AADAT: variants seen among roughly 807,000 people sequenced by gnomAD.
AADAT encodes kynurenine/alpha-aminoadipate aminotransferase, mitochondrial.
AADAT carries 25 observed loss-of-function variants against 56.2 expected under a neutral mutation model. The ratio of observed to expected loss-of-function variants is 0.44; its 90% CI spans 0.32 to 0.62. The LOEUF (loss-of-function observed/expected upper bound fraction) is 0.62, where lower values mean the gene tolerates loss of function less well. Among genes scored for constraint, AADAT ranks in the 20% least tolerant of loss-of-function variants. The pLI is 0.04. For synonymous variants in AADAT, 173 were observed against 164.7 expected, an observed-to-expected ratio of 1.05 and a Z score of -0.39; for missense variants, 387 against 510.5, an observed-to-expected ratio of 0.76 and a Z score of 2.33.
intron 3 of AADAT, among the ~76,000 whole-genome samples, chr4:170,086,779 C>A (rs1413840609): frequency 6.6e-6 from 1 of 152,078 alleles, no homozygotes. Flanking sequence ...AAAGATTAGG[C>A]TAGTGAATGA....
upstream of AADAT, among the ~76,000 whole-genome samples, chr4:170,091,954 A>G (rs1732859453): frequency 6.6e-6 from 1 of 152,216 alleles, no homozygotes; most frequent in Non-Finnish European, 1.5e-5. Context: ...TAAATACACC[A>G]ATTAGCACTC....
At chr4:170,070,947 C>G (rs1457170721) in intron 5 of AADAT, among the ~76,000 whole-genome samples, 1 of 152,200 alleles carries the variant, frequency 6.6e-6, no homozygotes, top group Non-Finnish European at 1.5e-5. Flanking sequence ...GAGTCTCGCT[C>G]TGTCGCCCAG....
At chr4:170,062,089 A>T in intron 11 of AADAT, 96 bp from the exon 12 acceptor site, 1 of 724,412 alleles carries the variant, frequency 1.4e-6, no homozygotes, top group Non-Finnish European at 2.2e-6. Context: ...AGGATGTTTT[A>T]AGTTTAAAAG....
intron 4 of AADAT, 31 bp downstream of exon 4, chr4:170,078,478 A>G (rs976732523): frequency 1.5e-6 from 2 of 1,358,250 alleles, no homozygotes; most frequent in Non-Finnish European, 2.1e-6. Flanking sequence ...TTACTACAAG[A>G]GAGTTGCCTT....
chr4:170,070,434 A>T, intron 6 of AADAT, 153 bp downstream of exon 6: 1 of 567,110 alleles, frequency 1.8e-6, no homozygotes, highest in Non-Finnish European at 3.1e-6. Context: ...GAAGACTGAA[A>T]AGTAAAGTAG....
At chr4:170,063,361 T>C (rs1470661146) in intron 11 of AADAT, among the ~76,000 whole-genome samples, 8 of 152,154 alleles carry the variant, frequency 5.3e-5, no homozygotes, top group African/African-American at 1.9e-4. Context: ...TGAAGAGGAC[T>C]GAAGAAGAGT....
chr4:170,080,922 G>A (rs1325223366), intron 3 of AADAT, among the ~76,000 whole-genome samples: 2 of 152,088 alleles, frequency 1.3e-5, no homozygotes, highest in African/African-American at 4.8e-5. Context: ...TAGCCAACAG[G>A]AAACCATGAC....
chr4:170,064,886 G>T, intron 10 of AADAT, 61 bp from the exon 11 acceptor site: 1 of 1,450,506 alleles, frequency 6.9e-7, no homozygotes, highest in Non-Finnish European at 9.5e-7. Context: ...TGATATCAAA[G>T]TGTGTTGTTA....
chr4:170,091,262 G>A (rs1477683566), upstream of AADAT, among the ~76,000 whole-genome samples: 1 of 152,188 alleles, frequency 6.6e-6, no homozygotes, highest in Non-Finnish European at 1.5e-5. Context: ...AGGGCTGTGC[G>A]GGCGCTTGCG....
chr4:170,093,348 C>T (rs913349045), upstream of AADAT, among the ~76,000 whole-genome samples: 17 of 151,952 alleles, frequency 1.1e-4, no homozygotes, highest in African/African-American at 3.6e-4. Context: ...GAGCATTTTT[C>T]GAACCCGGGA....
At chr4:170,062,809 A>G (rs985179675) in intron 11 of AADAT, among the ~76,000 whole-genome samples, 1 of 152,144 alleles carries the variant, frequency 6.6e-6, no homozygotes, top group Admixed American at 6.5e-5. Context: ...TGCTCTTTCC[A>G]TTTTGTAGCC....
chr4:170,061,945 T>A lies in AADAT; in HGVS notation c.1183A>T (p.Ser395Cys), dbSNP rs1234770102. The A allele has an allele frequency of 6.2e-7, 1 of 1,613,340 alleles. No individual in the cohort carries two copies. The highest frequency in any genetic ancestry group is 1.7e-5 in the Admixed American group (1 of 60,004). Residue 395 changes from serine to cysteine, a missense_variant, in exon 12 of 13, where the codon AGC becomes TGC. By Grantham distance (112) the Ser-to-Cys change is moderately radical. Coordinates refer to ENST00000337664, the MANE Select transcript of AADAT (RefSeq NM_016228.4). The stretch of plus-strand genomic sequence containing the variant: ...GAGAAGGATGCTCTCAAGTAAGGGC[T>A]AGGAGCTGAGCTATCGACGTAGAAA... ...NAFYVDSSAP[S>C]PYLRASFSSA... is the part of the protein sequence containing the mutation.
intron 5 of AADAT, among the ~76,000 whole-genome samples, chr4:170,072,182 G>A (rs1332904571): frequency 6.6e-6 from 1 of 152,004 alleles, no homozygotes; most frequent in Non-Finnish European, 1.5e-5. Flanking sequence ...TTAGGACAGA[G>A]CCTGGAAAGT....
chr4:170,083,177 A>G (rs763079773), intron 3 of AADAT, among the ~76,000 whole-genome samples: 18 of 151,994 alleles, frequency 1.2e-4, no homozygotes, highest in Non-Finnish European at 2.1e-4. Flanking sequence ...AAAAACCCAA[A>G]TCTTATCAAA....
upstream of AADAT, among the ~76,000 whole-genome samples, chr4:170,092,245 C>G (rs113212858): frequency 1.3e-5 from 2 of 152,248 alleles, no homozygotes; most frequent in Admixed American, 1.3e-4. Flanking sequence ...GCTGCTGACT[C>G]TTTGGGTCCA....
At chr4:170,066,108 T>C (rs1203958704) in intron 10 of AADAT, among the ~76,000 whole-genome samples, 1 of 152,110 alleles carries the variant, frequency 6.6e-6, no homozygotes, top group African/African-American at 2.4e-5. Flanking sequence ...TGGGGTAAAA[T>C]TCTGAAATAA....
At chr4:170,066,540 C>A in intron 9 of AADAT, 62 bp from the exon 10 acceptor site, 1 of 1,185,214 alleles carries the variant, frequency 8.4e-7, no homozygotes, top group Non-Finnish European at 1.3e-6. Context: ...GCAAAACAGT[C>A]TCCAGAGTCC....
intron 3 of AADAT, among the ~76,000 whole-genome samples, chr4:170,079,352 G>A (rs978983498): frequency 6.6e-6 from 1 of 152,202 alleles, no homozygotes; most frequent in African/African-American, 2.4e-5. Context: ...GACCAACCAT[G>A]TAGGCATTTG....
chr4:170,082,018 A>G (rs747632836), intron 3 of AADAT, among the ~76,000 whole-genome samples: 1 of 152,238 alleles, frequency 6.6e-6, no homozygotes, highest in Non-Finnish European at 1.5e-5. Flanking sequence ...TGCTAAAGGG[A>G]GTTCTCCAAC....
Sources: allele counts gnomAD v4.1 joint callset (sites outside exome capture counted in the v4.1 genomes callset), GRCh38; gene constraint gnomAD v4.1.1; transcripts MANE v1.5; gene names NCBI Gene and HGNC (gene_info 2026-07-23, HGNC 2026-07-21).